DCLK1: variants seen among roughly 807,000 people sequenced by gnomAD.
DCLK1 encodes doublecortin like kinase 1.
DCLK1 carries 16 observed loss-of-function variants against 86.2 expected under a neutral mutation model. The ratio of observed to expected loss-of-function variants is 0.19; its 90% CI spans 0.13 to 0.28. The LOEUF (loss-of-function observed/expected upper bound fraction) is 0.28. Among genes scored for constraint, DCLK1 ranks in the 10% least tolerant of loss-of-function variants. DCLK1 has a pLI of 1.00. For missense variants in DCLK1, 590 were observed against 940.2 expected (o/e 0.63, Z 4.87); for synonymous variants, 369 against 370.5 (o/e 1.00, Z 0.05).
intron 8 of DCLK1, among the ~76,000 whole-genome samples, chr13:35,829,411 A>C (rs1420581840): frequency 1.3e-5 from 2 of 152,200 alleles, no homozygotes; most frequent in African/African-American, 4.8e-5. Context: ...GATAAAAGCC[A>C]ATTTTGTGGA....
intron 3 of DCLK1, among the ~76,000 whole-genome samples, chr13:35,982,814 T>G (rs983785447): frequency 6.6e-6 from 1 of 152,134 alleles, no homozygotes. Context: ...CAGGTTGGAG[T>G]GCAGTGGCAT....
intron 3 of DCLK1, among the ~76,000 whole-genome samples, chr13:36,043,137 A>C (rs1882752119): frequency 6.6e-6 from 1 of 152,184 alleles, no homozygotes; most frequent in African/African-American, 2.4e-5. Flanking sequence ...AAAATGTTAG[A>C]AAGTAAAGAT....
At chr13:35,874,005 G>A (rs1183803235) in intron 4 of DCLK1, among the ~76,000 whole-genome samples, 1 of 152,146 alleles carries the variant, frequency 6.6e-6, no homozygotes, top group Non-Finnish European at 1.5e-5. Flanking sequence ...GTTGAAATAT[G>A]TTAGCTTTTC....
chr13:35,964,391 C>A (rs1190082392), intron 3 of DCLK1, among the ~76,000 whole-genome samples: 9 of 152,178 alleles, frequency 5.9e-5, no homozygotes, highest in Admixed American at 5.9e-4. Context: ...AATGAACATG[C>A]AAATTGCATG....
At chr13:36,030,482 T>G (rs75655847) in intron 3 of DCLK1, among the ~76,000 whole-genome samples, 2 of 150,434 alleles carry the variant, frequency 1.3e-5, no homozygotes, top group African/African-American at 4.9e-5. Flanking sequence ...TTTTTTTTTT[T>G]TTTTAGTAGA....
chr13:35,863,304 T>C (rs527308091), intron 5 of DCLK1, among the ~76,000 whole-genome samples: 1 of 152,290 alleles, frequency 6.6e-6, no homozygotes, highest in African/African-American at 2.4e-5. Flanking sequence ...AGGACTGTGG[T>C]TTAATCATCT....
intron 1 of DCLK1, among the ~76,000 whole-genome samples, chr13:36,127,622 T>A (rs1886234478): frequency 6.6e-6 from 1 of 152,238 alleles, no homozygotes; most frequent in African/African-American, 2.4e-5. Context: ...AGTACTAATT[T>A]TTTTATTAAT....
At chr13:35,935,007 T>C (rs533717260) in intron 4 of DCLK1, among the ~76,000 whole-genome samples, 135 of 152,098 alleles carry the variant, frequency 8.9e-4, no homozygotes, top group African/African-American at 3.2e-3. Flanking sequence ...ACCAAGTAGA[T>C]GGAGAAAGGC....
intron 3 of DCLK1, among the ~76,000 whole-genome samples, chr13:36,063,564 G>A (rs1338967935): frequency 3.9e-5 from 6 of 152,298 alleles, no homozygotes; most frequent in East Asian, 3.9e-4. Context: ...GCAAAGAGAC[G>A]TAAGAAGTAT....
At chr13:35,850,137 C>G in intron 6 of DCLK1, 3 of 985,080 alleles carry the variant, frequency 3.0e-6, no homozygotes, top group Non-Finnish European at 3.6e-6. Flanking sequence ...CTCGGATGTA[C>G]TAACCCACAA....
intron 3 of DCLK1, among the ~76,000 whole-genome samples, chr13:36,058,796 C>G (rs1454215485): frequency 6.6e-6 from 1 of 152,106 alleles, no homozygotes; most frequent in Non-Finnish European, 1.5e-5. Flanking sequence ...ATTTGGCATC[C>G]AGGCCAACAT....
At chr13:35,961,804 G>C (rs1003516476) in intron 3 of DCLK1, among the ~76,000 whole-genome samples, 1 of 152,122 alleles carries the variant, frequency 6.6e-6, no homozygotes, top group Non-Finnish European at 1.5e-5. Flanking sequence ...CAAAATTAAA[G>C]TTCTCTCCTT....
intron 11 of DCLK1, 124 bp downstream of exon 11, chr13:35,822,605 G>A (rs2087422159): frequency 5.0e-6 from 7 of 1,390,474 alleles, no homozygotes; most frequent in Non-Finnish European, 5.9e-6. Flanking sequence ...AGCTCCTGAA[G>A]GCTAACTGGA....
At chr13:35,900,306 T>C (rs1874275770) in intron 4 of DCLK1, among the ~76,000 whole-genome samples, 3 of 150,672 alleles carry the variant, frequency 2.0e-5, no homozygotes, top group African/African-American at 7.3e-5. Flanking sequence ...AGTGGCACCA[T>C]CTTGGCTCAC....
chr13:36,054,914 T>C (rs1236256337), intron 3 of DCLK1, among the ~76,000 whole-genome samples: 2 of 152,190 alleles, frequency 1.3e-5, no homozygotes, highest in East Asian at 1.9e-4. Flanking sequence ...AGTAGTGCGG[T>C]GGGGATATGA....
chr13:35,907,336 T>C (rs1474988837), intron 4 of DCLK1, among the ~76,000 whole-genome samples: 1 of 151,912 alleles, frequency 6.6e-6, no homozygotes, highest in Non-Finnish European at 1.5e-5. Flanking sequence ...CTAATTTAAA[T>C]TTTTTTTGTA....
chr13:35,981,094 T>C (rs896080258), intron 3 of DCLK1, among the ~76,000 whole-genome samples: 4 of 152,138 alleles, frequency 2.6e-5, no homozygotes, highest in African/African-American at 9.7e-5. Context: ...GAAAAGAATA[T>C]TGCTAGGAAC....
chr13:35,918,190 GC>G (rs1438006443), intron 4 of DCLK1, among the ~76,000 whole-genome samples: 2 of 152,146 alleles, frequency 1.3e-5, no homozygotes, highest in Non-Finnish European at 2.9e-5. Context: ...TTTCTAAAAT[GC>G]ATTAGAGAGT....
chr13:36,049,146 T>G (rs562514151), intron 3 of DCLK1, among the ~76,000 whole-genome samples: 55 of 152,274 alleles, frequency 3.6e-4, no homozygotes, highest in Admixed American at 3.4e-3. Context: ...AACTAAGTAT[T>G]GCAGAAAAAA....
Sources: gnomAD v4.1 joint callset for allele counts (sites outside exome capture counted in the v4.1 genomes callset) on GRCh38, gnomAD v4.1.1 for gene constraint, MANE v1.5 for transcripts, NCBI Gene and HGNC (gene_info 2026-07-23, HGNC 2026-07-21) for gene names.